RALYL: variants seen among roughly 807,000 people sequenced by gnomAD.
RALYL encodes the protein RALY RNA binding protein like, also known as RNA-binding Raly-like protein.
A neutral mutation model predicts 35.1 loss-of-function variants in RALYL; 29 were observed. That is an observed-to-expected ratio of 0.83 (90% CI 0.61 to 1.13). The LOEUF (loss-of-function observed/expected upper bound fraction) is 1.13, where lower values mean the gene tolerates loss of function less well. RALYL is among the 50% of genes most tolerant of loss of function. RALYL has a pLI of 0.00. For synonymous variants in RALYL, 120 were observed against 127.6 expected, an observed-to-expected ratio of 0.94 and a Z score of 0.40; for missense variants, 359 against 360.4, an observed-to-expected ratio of 1.00 and a Z score of 0.03.
At chr8:84,375,998 G>A (rs964272596) in intron 1 of RALYL, among the ~76,000 whole-genome samples, 4 of 151,990 alleles carry the variant, frequency 2.6e-5, no homozygotes, top group Middle Eastern at 6.8e-3. Context: ...TTTTCCGAAA[G>A]TGAAAAGCTT....
intron 5 of RALYL, among the ~76,000 whole-genome samples, chr8:84,853,756 T>C (rs1045767689): frequency 6.6e-6 from 1 of 152,152 alleles, no homozygotes; most frequent in Non-Finnish European, 1.5e-5. Flanking sequence ...ATGGAGAGGC[T>C]GGACAAGATA....
intron 1 of RALYL, among the ~76,000 whole-genome samples, chr8:84,240,800 A>G (rs938140404): frequency 1.8e-4 from 27 of 152,172 alleles, no homozygotes; most frequent in Admixed American, 1.7e-3. Flanking sequence ...TTGAGAATGA[A>G]CTATATCCCA....
intron 2 of RALYL, among the ~76,000 whole-genome samples, chr8:84,603,214 AG>A (rs1194657459): frequency 1.3e-5 from 2 of 152,190 alleles, no homozygotes; most frequent in African/African-American, 4.8e-5. Context: ...GGAATGAGAA[AG>A]GTGGTGTTAA....
intron 2 of RALYL, among the ~76,000 whole-genome samples, chr8:84,739,377 A>G (rs1847876666): frequency 6.6e-6 from 1 of 151,916 alleles, no homozygotes; most frequent in African/African-American, 2.4e-5. Context: ...GGAAAAATTA[A>G]TGTCAAATAG....
At chr8:84,478,157 G>A (rs1436748790) in intron 1 of RALYL, among the ~76,000 whole-genome samples, 1 of 151,970 alleles carries the variant, frequency 6.6e-6, no homozygotes, top group African/African-American at 2.4e-5. Context: ...TTTTTTAAAT[G>A]AGTTAAAAAC....
intron 1 of RALYL, among the ~76,000 whole-genome samples, chr8:84,240,248 G>GT (rs1435692834): frequency 1.3e-5 from 2 of 152,056 alleles, no homozygotes; most frequent in Admixed American, 1.3e-4. Context: ...TGATGTTATT[G>GT]TTTTTTAAAA....
intron 1 of RALYL, among the ~76,000 whole-genome samples, chr8:84,406,188 A>T (rs922640759): frequency 2.0e-5 from 3 of 152,146 alleles, no homozygotes; most frequent in African/African-American, 7.2e-5. Context: ...AGACATCTTC[A>T]GAGCATTACT....
intron 7 of RALYL, among the ~76,000 whole-genome samples, chr8:84,876,259 AAACT>A (rs1841122895): frequency 2.6e-5 from 4 of 152,298 alleles, no homozygotes; most frequent in African/African-American, 9.6e-5. Context: ...TTTCAAATGT[AAACT>A]AGAGGAATGG....
At chr8:84,527,034 G>T (rs1211843605) in intron 1 of RALYL, among the ~76,000 whole-genome samples, 2 of 152,150 alleles carry the variant, frequency 1.3e-5, no homozygotes, top group African/African-American at 2.4e-5. Context: ...TAATAGAAAA[G>T]ATATTAAACT....
chr8:84,692,501 C>T (rs774163458), intron 2 of RALYL, among the ~76,000 whole-genome samples: 6 of 151,942 alleles, frequency 3.9e-5, no homozygotes, highest in Admixed American at 6.6e-5. Context: ...TACCCTGAAA[C>T]CTGCAAAACC....
chr8:84,644,973 C>T (rs1008593628), intron 2 of RALYL, among the ~76,000 whole-genome samples: 14 of 152,078 alleles, frequency 9.2e-5, no homozygotes, highest in African/African-American at 3.4e-4. Flanking sequence ...TGGTCTTGAG[C>T]TCCTGGCCTC....
intron 2 of RALYL, among the ~76,000 whole-genome samples, chr8:84,616,632 A>G (rs1409225344): frequency 6.6e-6 from 1 of 150,774 alleles, no homozygotes; most frequent in Admixed American, 6.6e-5. Flanking sequence ...TTTTGTTGCC[A>G]TTGCTTTTGG....
At chr8:84,197,362 A>G (rs904224842) in intron 1 of RALYL, among the ~76,000 whole-genome samples, 3 of 152,196 alleles carry the variant, frequency 2.0e-5, no homozygotes, top group Admixed American at 2.0e-4. Context: ...CATGTTTTCT[A>G]ATATGGAGTT....
At chr8:84,539,828 GTATACATATA>G (rs1224412377) in intron 2 of RALYL, among the ~76,000 whole-genome samples, 3 of 4,752 alleles carry the variant, frequency 6.3e-4, no homozygotes, top group East Asian at 2.9e-3. Flanking sequence ...AAGTGATCAA[GTATACATATA>G]TATATATATA....
chr8:84,640,684 GA>G (rs1446201558), intron 2 of RALYL, among the ~76,000 whole-genome samples: 1 of 151,892 alleles, frequency 6.6e-6, no homozygotes, highest in Non-Finnish European at 1.5e-5. Flanking sequence ...AGAAGCTGAT[GA>G]AAAAGCTGAA....
chr8:84,679,706 G>T, intron 2 of RALYL: 1 of 516,356 alleles, frequency 1.9e-6, no homozygotes, highest in South Asian at 1.5e-5. Context: ...GGATGGCTTT[G>T]ACCCTCAAGG....
At chr8:84,286,067 T>C (rs1164863120) in intron 1 of RALYL, among the ~76,000 whole-genome samples, 1 of 152,074 alleles carries the variant, frequency 6.6e-6, no homozygotes, top group Non-Finnish European at 1.5e-5. Flanking sequence ...TAGATACACA[T>C]TGACAGTTTA....
chr8:84,649,587 T>C (rs1264656170), intron 2 of RALYL, among the ~76,000 whole-genome samples: 1 of 152,148 alleles, frequency 6.6e-6, no homozygotes, highest in Non-Finnish European at 1.5e-5. Context: ...GATCAGATAG[T>C]TGTAGATATG....
chr8:84,184,738 ACT>A, intron 1 of RALYL: 1 of 253,160 alleles, frequency 4.0e-6, no homozygotes, highest in Non-Finnish European at 7.4e-6. Context: ...CCGGCCGGGC[ACT>A]AGGCGGCCGG....
Sources: allele counts gnomAD v4.1 joint callset (sites outside exome capture counted in the v4.1 genomes callset), GRCh38; gene constraint gnomAD v4.1.1; transcripts MANE v1.5; gene names NCBI Gene and HGNC (gene_info 2026-07-23, HGNC 2026-07-21).